SGCZ: variants seen among roughly 807,000 people sequenced by gnomAD.
SGCZ encodes the protein zeta-sarcoglycan.
A neutral mutation model predicts 41.3 loss-of-function variants in SGCZ; 40 were observed. That is an observed-to-expected ratio of 0.97 (90% CI 0.75 to 1.26). The LOEUF is 1.26. Ranked by LOEUF, SGCZ falls within the 50% of genes most tolerant of loss-of-function variation. The pLI is 0.00. For synonymous variants in SGCZ, 206 were observed against 137.5 expected (o/e 1.50, Z -3.49); for missense variants, 552 against 369.8 (o/e 1.49, Z -4.04).
chr8:14,402,477 G>T (rs1382974319), intron 2 of SGCZ, among the ~76,000 whole-genome samples: 1 of 151,272 alleles, frequency 6.6e-6, no homozygotes, highest in East Asian at 1.9e-4. Context: ...AAGGTGTAAG[G>T]AAGGGATCCA....
At chr8:14,308,993 C>T (rs1801436200) in intron 3 of SGCZ, 3 of 900,980 alleles carry the variant, frequency 3.3e-6, no homozygotes, top group East Asian at 2.5e-5. Flanking sequence ...AATTCCAAAC[C>T]GCACCCGGCC....
At chr8:14,713,246 A>C (rs1386011589) in intron 1 of SGCZ, among the ~76,000 whole-genome samples, 12 of 152,220 alleles carry the variant, frequency 7.9e-5, no homozygotes, top group Admixed American at 7.9e-4. Flanking sequence ...AGCGTATCAA[A>C]GTTAGACAAA....
chr8:14,441,634 C>G (rs114283094), intron 2 of SGCZ, among the ~76,000 whole-genome samples: 1 of 152,100 alleles, frequency 6.6e-6, no homozygotes, highest in Non-Finnish European at 1.5e-5. Context: ...AGTTAGAGTT[C>G]TCCTCTCAAG....
chr8:14,992,491 C>T (rs1563417498), intron 1 of SGCZ, among the ~76,000 whole-genome samples: 1 of 147,498 alleles, frequency 6.8e-6, no homozygotes, highest in Admixed American at 6.7e-5. Flanking sequence ...CTCCCAAAAC[C>T]AGTGTTACCC....
chr8:15,057,074 C>T (rs950064738), intron 1 of SGCZ, among the ~76,000 whole-genome samples: 2 of 152,136 alleles, frequency 1.3e-5, no homozygotes, highest in Admixed American at 1.3e-4. Context: ...TAATTGGGTG[C>T]ACATGCTCTG....
chr8:15,118,525 A>G (rs1807356036), intron 1 of SGCZ, among the ~76,000 whole-genome samples: 1 of 152,158 alleles, frequency 6.6e-6, no homozygotes, highest in Non-Finnish European at 1.5e-5. Flanking sequence ...CCTTCTAAGG[A>G]ATGGGTTTAT....
intron 1 of SGCZ, among the ~76,000 whole-genome samples, chr8:14,946,181 T>C (rs1585402115): frequency 1.3e-5 from 2 of 150,368 alleles, no homozygotes; most frequent in Non-Finnish European, 3.0e-5. Flanking sequence ...AGGATATTGA[T>C]GTCACTCTCA....
chr8:14,520,383 T>A (rs1256311689), intron 2 of SGCZ, among the ~76,000 whole-genome samples: 2 of 152,114 alleles, frequency 1.3e-5, no homozygotes, highest in Non-Finnish European at 2.9e-5. Context: ...AACTTGGGCA[T>A]GTTATAATCT....
chr8:14,908,602 T>A (rs139634481), intron 1 of SGCZ, among the ~76,000 whole-genome samples: 1 of 151,732 alleles, frequency 6.6e-6, no homozygotes, highest in African/African-American at 2.4e-5. Context: ...ACACAAAAAT[T>A]AGCCGGGCGT....
intron 2 of SGCZ, among the ~76,000 whole-genome samples, chr8:14,455,737 G>A (rs1449675859): frequency 6.6e-6 from 1 of 152,136 alleles, no homozygotes; most frequent in Non-Finnish European, 1.5e-5. Context: ...ATAAATTATG[G>A]CACATTTACA....
intron 1 of SGCZ, among the ~76,000 whole-genome samples, chr8:14,847,126 A>AAGAAAG (rs761276429): frequency 2.4e-5 from 3 of 126,362 alleles, no homozygotes; most frequent in African/African-American, 6.1e-5. Flanking sequence ...GAAGAAGAAG[A>AAGAAAG]AAGAAGAAGA....
At chr8:14,542,602 G>A (rs557381608) in intron 2 of SGCZ, among the ~76,000 whole-genome samples, 2 of 152,138 alleles carry the variant, frequency 1.3e-5, no homozygotes, top group African/African-American at 4.8e-5. Flanking sequence ...TTCTGAACTA[G>A]GGGCAGTAAG....
At chr8:14,239,411 T>C (rs1215962632) in intron 3 of SGCZ, among the ~76,000 whole-genome samples, 2 of 152,078 alleles carry the variant, frequency 1.3e-5, no homozygotes, top group African/African-American at 2.4e-5. Context: ...GTTCAAAAAA[T>C]TGTGAAAAAA....
intron 1 of SGCZ, among the ~76,000 whole-genome samples, chr8:14,621,006 G>A (rs1443514116): frequency 2.0e-5 from 3 of 151,936 alleles, no homozygotes; most frequent in Non-Finnish European, 2.9e-5. Flanking sequence ...TTATTGCAGC[G>A]CTATTGACAA....
intron 1 of SGCZ, among the ~76,000 whole-genome samples, chr8:14,985,896 A>C (rs1801812108): frequency 6.6e-6 from 1 of 152,204 alleles, no homozygotes; most frequent in Admixed American, 6.5e-5. Context: ...AATGTGGCAG[A>C]AAACAGATGA....
At chr8:14,504,419 G>T (rs1802244580) in intron 2 of SGCZ, among the ~76,000 whole-genome samples, 2 of 152,178 alleles carry the variant, frequency 1.3e-5, no homozygotes. Context: ...GGATTTAAAA[G>T]GAAGTTTATA....
chr8:14,569,467 A>G (rs1804483459), intron 1 of SGCZ, among the ~76,000 whole-genome samples: 1 of 152,178 alleles, frequency 6.6e-6, no homozygotes, highest in African/African-American at 2.4e-5. Flanking sequence ...TTCAAAACAC[A>G]AATATCATGT....
chr8:14,561,919 G>A (rs1045948641), intron 1 of SGCZ, among the ~76,000 whole-genome samples: 1 of 152,076 alleles, frequency 6.6e-6, no homozygotes, highest in African/African-American at 2.4e-5. Flanking sequence ...TTTCTCCCAA[G>A]GTGTGGAAAA....
chr8:14,668,043 G>A (rs1036331898), intron 1 of SGCZ, among the ~76,000 whole-genome samples: 5 of 151,988 alleles, frequency 3.3e-5, no homozygotes, highest in African/African-American at 9.7e-5. Context: ...TGCAACCTCC[G>A]CCTCCCAGGT....
Sources: gnomAD v4.1 joint callset for allele counts (sites outside exome capture counted in the v4.1 genomes callset) on GRCh38, gnomAD v4.1.1 for gene constraint, MANE v1.5 for transcripts, NCBI Gene and HGNC (gene_info 2026-07-23, HGNC 2026-07-21) for gene names.